The following DLG2 variants were observed in gnomAD, a reference collection of about 807,000 sequenced individuals.
DLG2 encodes the protein discs large MAGUK scaffold protein 2.
A neutral mutation model predicts 132.5 loss-of-function variants in DLG2; 45 were observed. The ratio of observed to expected loss-of-function variants is 0.34; its 90% CI spans 0.27 to 0.44. The LOEUF is 0.44. Ranked by LOEUF, DLG2 falls within the 20% of genes least tolerant of loss-of-function variation. The pLI is 1.00. For missense variants in DLG2, 1,045 were observed against 1,196.9 expected (o/e 0.87, Z 1.87); for synonymous variants, 424 against 419.6 (o/e 1.01, Z -0.13).
chr11:83,752,199 C>T (rs753748270), intron 18 of DLG2, among the ~76,000 whole-genome samples: 4 of 150,932 alleles, frequency 2.7e-5, no homozygotes, highest in South Asian at 2.1e-4. Context: ...ACCCAGGAGG[C>T]GGAGCTTGCA....
At chr11:84,945,718 G>A (rs745982958) in intron 6 of DLG2, among the ~76,000 whole-genome samples, 5 of 152,112 alleles carry the variant, frequency 3.3e-5, no homozygotes, top group Non-Finnish European at 5.9e-5. Context: ...TGCTGCCTGT[G>A]GTTGAGAAAG....
intron 18 of DLG2, among the ~76,000 whole-genome samples, chr11:83,673,456 A>C (rs1018876568): frequency 1.3e-5 from 2 of 152,198 alleles, no homozygotes; most frequent in Non-Finnish European, 2.9e-5. Context: ...TATGGCTCAC[A>C]TTTTACTCTT....
chr11:85,012,141 A>AACTCCATTTCTACTAAAAATACAAAAT (rs1185767344), intron 6 of DLG2, among the ~76,000 whole-genome samples: 2,144 of 24,982 alleles, frequency 0.086, 482 homozygotes, highest in East Asian at 0.51. Flanking sequence ...GACCAACATA[A>AACTCCATTTCTACTAAAAATACAAAAT]TCTATGTGAA....
chr11:85,360,319 G>A (rs984219847), intron 3 of DLG2, among the ~76,000 whole-genome samples: 3 of 152,248 alleles, frequency 2.0e-5, no homozygotes, highest in African/African-American at 7.2e-5. Flanking sequence ...TAGCCTTTTT[G>A]TGCTTCCGTT....
intron 7 of DLG2, among the ~76,000 whole-genome samples, chr11:84,419,923 A>C (rs1312922532): frequency 6.6e-6 from 1 of 152,208 alleles, no homozygotes; most frequent in Non-Finnish European, 1.5e-5. Context: ...TTTAAATTGG[A>C]GATAACCACA....
At chr11:83,812,166 T>C (rs2047470186) in intron 17 of DLG2, among the ~76,000 whole-genome samples, 1 of 152,144 alleles carries the variant, frequency 6.6e-6, no homozygotes, top group African/African-American at 2.4e-5. Flanking sequence ...GGAAGCTCAA[T>C]TCAAATCCTA....
At chr11:85,043,419 A>T (rs2062040923) in intron 6 of DLG2, among the ~76,000 whole-genome samples, 2 of 151,870 alleles carry the variant, frequency 1.3e-5, no homozygotes, top group South Asian at 4.1e-4. Flanking sequence ...ATAGATGAGA[A>T]AGCTTCACCA....
At chr11:84,445,232 C>G (rs1238238493) in intron 7 of DLG2, among the ~76,000 whole-genome samples, 1 of 152,120 alleles carries the variant, frequency 6.6e-6, no homozygotes, top group East Asian at 1.9e-4. Context: ...TATCAGTTAA[C>G]TTCTTTATTT....
chr11:83,837,348 G>A (rs903022564), intron 16 of DLG2, among the ~76,000 whole-genome samples: 4 of 152,194 alleles, frequency 2.6e-5, no homozygotes, highest in South Asian at 2.1e-4. Context: ...GCATCACCTC[G>A]TACCCCCTTG....
intron 3 of DLG2, among the ~76,000 whole-genome samples, chr11:85,443,494 T>C (rs1225224262): frequency 6.6e-6 from 1 of 152,222 alleles, no homozygotes; most frequent in Admixed American, 6.5e-5. Context: ...TTCTCTGTGA[T>C]ATGTGAAAAC....
chr11:85,544,824 T>C lies in DLG2; in HGVS notation c.40+53833A>G, dbSNP rs115138304. On this transcript the variant is annotated intron_variant, in intron 3 of 27. Transcript: ENST00000376104. ...TGGCGTATAAGAACGCTTGAGATTT[T>C]TGCACATTGATTTTGTATCAATCAA... is the stretch of plus-strand genomic sequence containing the variant. 9.2e-3 allele frequency among the ~76,000 whole-genome samples: 1,405 copies of C among 152,258 alleles called. 19 individuals are homozygous for C. Among genetic ancestry groups the C allele is most frequent in the African/African-American group, 0.03 (1,254 of 41,494 alleles).
chr11:84,840,991 T>TA (rs200955316), intron 6 of DLG2, among the ~76,000 whole-genome samples: 212 of 120,686 alleles, frequency 1.8e-3, no homozygotes, highest in South Asian at 3.5e-3. Flanking sequence ...AGTATAATAG[T>TA]AAAAAAAAAA....
intron 6 of DLG2, chr11:84,545,793 T>C (rs768640754): frequency 6.1e-6 from 1 of 163,330 alleles, no homozygotes; most frequent in Non-Finnish European, 1.3e-5. Context: ...TCTTGCTCTG[T>C]AGCCCAGGCT....
At chr11:83,605,034 A>G (rs1162013462) in intron 19 of DLG2, among the ~76,000 whole-genome samples, 1 of 149,796 alleles carries the variant, frequency 6.7e-6, no homozygotes. Context: ...AGAGAGAGAG[A>G]GAGATTGATT....
At chr11:84,807,361 G>A (rs1449376491) in intron 6 of DLG2, among the ~76,000 whole-genome samples, 4 of 152,032 alleles carry the variant, frequency 2.6e-5, no homozygotes, top group East Asian at 1.9e-4. Context: ...CAGGAGAATC[G>A]CTTGAACCCG....
intron 3 of DLG2, among the ~76,000 whole-genome samples, chr11:85,465,340 A>G (rs1382078092): frequency 6.6e-6 from 1 of 151,854 alleles, no homozygotes; most frequent in Non-Finnish European, 1.5e-5. Context: ...GTTCTAGGGT[A>G]CATGAGCACA....
At chr11:84,800,888 A>G (rs2075285961) in intron 6 of DLG2, among the ~76,000 whole-genome samples, 1 of 152,230 alleles carries the variant, frequency 6.6e-6, no homozygotes, top group Non-Finnish European at 1.5e-5. Flanking sequence ...TAGAAAATTT[A>G]CAAATAACAT....
chr11:84,556,050 C>T (rs1280786345), intron 6 of DLG2, among the ~76,000 whole-genome samples: 1 of 152,196 alleles, frequency 6.6e-6, no homozygotes, highest in Non-Finnish European at 1.5e-5. Context: ...TGCCCACCCA[C>T]ACAACATTCC....
chr11:85,272,757 A>G (rs1408527784), intron 4 of DLG2, among the ~76,000 whole-genome samples: 1 of 152,188 alleles, frequency 6.6e-6, no homozygotes, highest in Non-Finnish European at 1.5e-5. Flanking sequence ...AAGCTACTCT[A>G]AAGTTCATAT....
Sources: allele counts gnomAD v4.1 joint callset (sites outside exome capture counted in the v4.1 genomes callset), GRCh38; gene constraint gnomAD v4.1.1; transcripts MANE v1.5; gene names NCBI Gene and HGNC (gene_info 2026-07-23, HGNC 2026-07-21).